Variants in COP1 observed in about 807,000 individuals in gnomAD.
COP1 encodes the protein E3 ubiquitin-protein ligase COP1.
Under a neutral mutation model 101.3 loss-of-function variants are expected in COP1, and 24 were observed. That is an observed-to-expected ratio of 0.24 (90% CI 0.17 to 0.33). The LOEUF (loss-of-function observed/expected upper bound fraction) is 0.33, where lower values mean the gene tolerates loss of function less well. COP1 is among the 10% of genes least tolerant of loss of function. COP1 has a pLI of 1.00. For missense variants in COP1, 663 were observed against 906.2 expected (o/e 0.73, Z 3.45); for synonymous variants, 347 against 341.9 (o/e 1.01, Z -0.17).
At chr1:176,081,125 G>A in intron 11 of COP1, 27 bp downstream of exon 11, 1 of 1,545,730 alleles carries the variant, frequency 6.5e-7, no homozygotes, top group East Asian at 2.3e-5. Context: ...TCTTACAAAA[G>A]AAAATAGTAA....
At chr1:176,033,750 G>A (rs1286744044) in intron 14 of COP1, among the ~76,000 whole-genome samples, 1 of 152,012 alleles carries the variant, frequency 6.6e-6, no homozygotes, top group Non-Finnish European at 1.5e-5. Context: ...TACAGCATAT[G>A]TAGGAAAAAT....
intron 15 of COP1, among the ~76,000 whole-genome samples, chr1:176,009,992 C>T (rs922234532): frequency 6.6e-6 from 1 of 151,202 alleles, no homozygotes; most frequent in African/African-American, 2.4e-5. Flanking sequence ...AATTAGGGTA[C>T]AGTCAATTAC....
intron 1 of COP1, among the ~76,000 whole-genome samples, chr1:176,195,477 T>C (rs561069977): frequency 1.3e-5 from 2 of 152,268 alleles, no homozygotes; most frequent in African/African-American, 4.8e-5. Context: ...ACTTTACTAT[T>C]TGACATGTAT....
At chr1:175,948,402 G>C (rs1244442215) in intron 18 of COP1, among the ~76,000 whole-genome samples, 1 of 152,186 alleles carries the variant, frequency 6.6e-6, no homozygotes, top group Non-Finnish European at 1.5e-5. Flanking sequence ...GAAAAACGAA[G>C]TCCAAATAAC....
chr1:176,146,781 G>A (rs1234030945), intron 6 of COP1, among the ~76,000 whole-genome samples: 2 of 152,168 alleles, frequency 1.3e-5, no homozygotes, highest in Non-Finnish European at 2.9e-5. Context: ...AAATTTGAGA[G>A]TAATTTGTCA....
intron 6 of COP1, among the ~76,000 whole-genome samples, chr1:176,139,305 AAAAG>A (rs936923898): frequency 5.0e-4 from 75 of 150,978 alleles, no homozygotes; most frequent in African/African-American, 1.7e-3. Context: ...AAAAAACAAA[AAAAG>A]AGATGCTGGT....
chr1:176,155,631 C>G (rs538880444), intron 5 of COP1, among the ~76,000 whole-genome samples: 1 of 151,746 alleles, frequency 6.6e-6, no homozygotes, highest in South Asian at 2.1e-4. Flanking sequence ...TGCCAAAAAA[C>G]AAAATAAAAT....
chr1:175,946,655 G>A (rs1415930921), intron 19 of COP1, among the ~76,000 whole-genome samples: 1 of 152,070 alleles, frequency 6.6e-6, no homozygotes, highest in Non-Finnish European at 1.5e-5. Flanking sequence ...TTATGGCTAG[G>A]CTTCCTTGAA....
chr1:175,997,329 T>C (rs1452676010), intron 15 of COP1, among the ~76,000 whole-genome samples: 1 of 152,122 alleles, frequency 6.6e-6, no homozygotes, highest in African/African-American at 2.4e-5. Flanking sequence ...ATTCAGGACA[T>C]AGGCATGGGC....
intron 18 of COP1, among the ~76,000 whole-genome samples, chr1:175,950,101 T>C (rs1206847830): frequency 6.6e-6 from 1 of 152,128 alleles, no homozygotes; most frequent in African/African-American, 2.4e-5. Context: ...AAACACTGTC[T>C]TACTGTAACC....
At chr1:176,007,733 A>G (rs1177414529) in intron 15 of COP1, among the ~76,000 whole-genome samples, 1 of 152,144 alleles carries the variant, frequency 6.6e-6, no homozygotes, top group African/African-American at 2.4e-5. Flanking sequence ...TGGGAGAACC[A>G]CTGCTCTCTT....
chr1:176,112,264 G>C (rs959994193), intron 9 of COP1, among the ~76,000 whole-genome samples: 10 of 149,534 alleles, frequency 6.7e-5, no homozygotes, highest in Admixed American at 2.0e-4. Flanking sequence ...TTTTCCTCCA[G>C]ATTCAAGTTT....
intron 2 of COP1, among the ~76,000 whole-genome samples, chr1:176,181,348 G>A (rs1019965967): frequency 2.0e-4 from 30 of 151,916 alleles, no homozygotes; most frequent in African/African-American, 7.0e-4. Context: ...AAGAGGCTAC[G>A]GTTAATGACT....
chr1:176,180,547 T>A (rs1697602881), intron 2 of COP1, among the ~76,000 whole-genome samples: 1 of 152,188 alleles, frequency 6.6e-6, no homozygotes, highest in Non-Finnish European at 1.5e-5. Context: ...AAATAATTAT[T>A]TTAATTCTGC....
intron 18 of COP1, among the ~76,000 whole-genome samples, chr1:175,951,468 T>TATATA (rs1649911848): frequency 1.2e-5 from 1 of 81,918 alleles, no homozygotes; most frequent in Non-Finnish European, 2.6e-5. Flanking sequence ...ATATAAAAAC[T>TATATA]TCCATTTTTG....
chr1:176,162,380 T>C (rs1287358440), intron 5 of COP1, among the ~76,000 whole-genome samples: 1 of 152,212 alleles, frequency 6.6e-6, no homozygotes, highest in African/African-American at 2.4e-5. Context: ...ATAAATGGAA[T>C]TTTACATTAC....
intron 3 of COP1, among the ~76,000 whole-genome samples, chr1:176,171,479 A>C (rs1696048079): frequency 6.6e-6 from 1 of 152,222 alleles, no homozygotes; most frequent in African/African-American, 2.4e-5. Flanking sequence ...CCATATCAGC[A>C]ATAAGCGATT....
intron 15 of COP1, among the ~76,000 whole-genome samples, chr1:175,995,368 T>C (rs1659867537): frequency 6.6e-6 from 1 of 152,064 alleles, no homozygotes; most frequent in Non-Finnish European, 1.5e-5. Flanking sequence ...ATTCAAAAGC[T>C]AGCAGAAGGC....
chr1:176,189,060 A>T (rs1177662246), intron 1 of COP1, among the ~76,000 whole-genome samples: 2 of 152,184 alleles, frequency 1.3e-5, no homozygotes, highest in African/African-American at 4.8e-5. Flanking sequence ...CAAAAACAAG[A>T]AAATATCCCT....
Sources: allele counts gnomAD v4.1 joint callset (sites outside exome capture counted in the v4.1 genomes callset), GRCh38; gene constraint gnomAD v4.1.1; transcripts MANE v1.5; gene names NCBI Gene and HGNC (gene_info 2026-07-23, HGNC 2026-07-21).